The following CERS4 variants were observed in gnomAD, a reference collection of about 807,000 sequenced individuals.
The protein encoded by CERS4 is LAG1 homolog, ceramide synthase 4.
A neutral mutation model predicts 51.8 loss-of-function variants in CERS4; 65 were observed. That is an observed-to-expected ratio of 1.26 (90% CI 1.03 to 1.54). The LOEUF (loss-of-function observed/expected upper bound fraction) is 1.54, where lower values mean the gene tolerates loss of function less well. CERS4 is among the 40% of genes most tolerant of loss of function. The pLI, the probability that CERS4 is intolerant of heterozygous loss-of-function variation, is 0.00. For synonymous variants in CERS4, 228 were observed against 208.4 expected (o/e 1.09, Z -0.81); for missense variants, 563 against 500.4 (o/e 1.13, Z -1.19).
At chr19:8,230,963 C>G (rs946760883) in intron 2 of CERS4, among the ~76,000 whole-genome samples, 1 of 152,150 alleles carries the variant, frequency 6.6e-6, no homozygotes, top group African/African-American at 2.4e-5. Context: ...CCTCAGCCCC[C>G]CAAGTAGCTG....
At position 8,256,604 on chromosome 19, in the gene CERS4, C is replaced by T; in HGVS notation, c.520-14C>T. The T allele has an allele frequency of 1.9e-6, 3 of 1,606,588 alleles. No individual in the cohort carries two copies. The highest frequency in any genetic ancestry group is 1.7e-5 in the Admixed American group (1 of 58,132). On this transcript the variant is annotated splice_polypyrimidine_tract_variant and intron_variant, in intron 7 of 11. Transcript: ENST00000251363. Reference sequence around the variant, plus strand: ...TTCGCTCCCCACAGCTAACCTTGTCCTGTCCTGCTGCAGACTCTGAAGCCA... The same window carrying T: ...TTCGCTCCCCACAGCTAACCTTGTCTTGTCCTGCTGCAGACTCTGAAGCCA...
At chr19:8,229,377 T>C (rs919965902) in intron 2 of CERS4, among the ~76,000 whole-genome samples, 11 of 134,790 alleles carry the variant, frequency 8.2e-5, no homozygotes, top group Admixed American at 3.3e-4. Flanking sequence ...CTTAGAGCCT[T>C]CTTCTTCTTT....
rs201954024 is a variant in CERS4, at chr19:8,257,847, C to G, written c.742-32C>G. On this transcript the variant is annotated intron_variant, in intron 9 of 11. Coordinates refer to ENST00000251363, the MANE Select transcript of CERS4 (RefSeq NM_024552.3). ...TCTCTTTGAGACCAGGGCCCTGGTC[C>G]TGAGCCCATTTCTCCCTGCTGCCCT... The G allele has an allele frequency of 9.6e-6, 15 of 1,567,054 alleles. No individual in the cohort carries two copies. In the East Asian group the frequency reaches 2.0e-4, roughly 21 times the overall value.
In CERS4 at chr19:8,261,697, C is replaced by A. The variant is rs1364069258; in HGVS notation, c.858C>A (p.Tyr286Ter). 6.2e-7 allele frequency: 1 copy of A among 1,614,134 alleles called. No individual in the cohort carries two copies. The highest frequency in any genetic ancestry group is 8.5e-7 in the Non-Finnish European group (1 of 1,180,020). Residue 286 changes from tyrosine to a stop codon, truncating the protein, a stop_gained, in exon 11 of 12, where the codon TAC becomes TAA. Coordinates refer to ENST00000251363, the MANE Select transcript of CERS4 (RefSeq NM_024552.3). LOFTEE classifies it high-confidence loss of function. ...RLVLFPTQIL[Y>*]TTYYESISNR... ...CTCCCCCTGGCTGTAGGATCCTCTA[C>A]ACCACATACTACGAGTCCATCAGCA...
Position 8,236,680 on chromosome 19 carries a change from TA to T in CERS4, c.-1-14375del, listed in dbSNP as rs59164781. On this transcript the variant is annotated intron_variant, in intron 2 of 11. Coordinates refer to ENST00000251363, the MANE Select transcript of CERS4 (RefSeq NM_024552.3). ...AGCAACAGAACCAGGCCCTGTCTTC[TA>T]AAAAAAAAAAAAAAAAAAAAGAAAG... Among the ~76,000 whole-genome samples the T allele has an allele frequency of 9.6e-4, 118 of 122,358 alleles. 1 individual carries two copies. The highest frequency in any genetic ancestry group is 3.2e-3 in the East Asian group (14 of 4,374). The allele number at this position is 122,358 out of a possible 152,430, so 80.3% of individuals were successfully genotyped here. A position where few individuals can be genotyped will look rare whatever the true frequency, so the allele number is the denominator to read the frequency against.
At chr19:8,244,911 A>C (rs922254690) in intron 2 of CERS4, among the ~76,000 whole-genome samples, 6 of 151,904 alleles carry the variant, frequency 3.9e-5, no homozygotes, top group African/African-American at 1.2e-4. Context: ...TTCGGAGGCC[A>C]AGACAGGTGG....
At chr19:8,243,214 AAAAAAAAAATAG>A (rs1212453676) in intron 2 of CERS4, among the ~76,000 whole-genome samples, 1 of 150,042 alleles carries the variant, frequency 6.7e-6, no homozygotes, top group African/African-American at 2.5e-5. Context: ...AAAAAAAAAA[AAAAAAAAAATAG>A]GGGATTGCAG....
intron 2 of CERS4, among the ~76,000 whole-genome samples, chr19:8,245,136 C>CAAAAAAAAACAAAAAAAAAAAAAT (rs1555777278): frequency 5.2e-5 from 1 of 19,368 alleles, no homozygotes. Flanking sequence ...AAAAAAAAAA[C>CAAAAAAAAACAAAAAAAAAAAAAT]ACTCTTGGCT....
At chr19:8,236,696 AAAAAAG>A (rs377618267) in intron 2 of CERS4, among the ~76,000 whole-genome samples, 3,027 of 29,448 alleles carry the variant, frequency 0.1, 56 homozygotes, top group South Asian at 0.15. Context: ...AAAAAAAAAA[AAAAAAG>A]AAAGAAAGAA....
chr19:8,249,763 G>A (rs576858415), intron 2 of CERS4, among the ~76,000 whole-genome samples: 9 of 151,402 alleles, frequency 5.9e-5, no homozygotes, highest in African/African-American at 2.2e-4. Flanking sequence ...GCTAATTTTT[G>A]TATTTTTAGT....
intron 9 of CERS4, 104 bp from the exon 10 acceptor site, chr19:8,257,775 G>A: frequency 1.2e-6 from 1 of 823,032 alleles, no homozygotes; most frequent in Non-Finnish European, 2.0e-6. Context: ...GTAGTTCCTG[G>A]AAACAAGGCC....
chr19:8,257,710 G>A (rs36250), intron 9 of CERS4, among the ~76,000 whole-genome samples, 169 bp from the exon 10 acceptor site: 77,667 of 151,972 alleles, frequency 0.51, 20,421 homozygotes, highest in Admixed American at 0.6. Flanking sequence ...GATTACAGGC[G>A]TGAGCCACCA....
At chr19:8,230,879 G>A (rs1967978775) in intron 2 of CERS4, among the ~76,000 whole-genome samples, 1 of 152,042 alleles carries the variant, frequency 6.6e-6, no homozygotes, top group African/African-American at 2.4e-5. Flanking sequence ...TCACTCTGTT[G>A]CCCAGGCTGG....
chr19:8,238,570 GA>G (rs1467721192), intron 2 of CERS4: 4 of 985,276 alleles, frequency 4.1e-6, no homozygotes, highest in Non-Finnish European at 4.8e-6. Context: ...TAAGGAGGTG[GA>G]GGCCCCTCTT....
At chr19:8,260,902 G>C (rs912088775) in intron 10 of CERS4, 2 of 140,394 alleles carry the variant, frequency 1.4e-5, no homozygotes, top group African/African-American at 5.3e-5. Context: ...AGTGAGCCGA[G>C]ATCACGCCAT....
At chr19:8,258,113 A>C (rs529699797) in intron 10 of CERS4, 128 bp downstream of exon 10, 11 of 772,174 alleles carry the variant, frequency 1.4e-5, no homozygotes, top group Non-Finnish European at 2.5e-5. Flanking sequence ...AGGAGGAGGC[A>C]GGGAAGGGTG....
intron 2 of CERS4, among the ~76,000 whole-genome samples, chr19:8,218,354 C>T (rs1344643491): frequency 6.6e-6 from 1 of 152,180 alleles, no homozygotes; most frequent in Non-Finnish European, 1.5e-5. Flanking sequence ...TTAACCATGC[C>T]AGGCATCAGA....
Position 8,256,297 on chromosome 19 carries a change from G to T in CERS4, c.519+11G>T, listed in dbSNP as rs186859534. ...AGGTACCCAAACCAGGTGAGTGGCA[G>T]AGTGTGTGTGAATGCTTGGAGGGTG... On this transcript the variant is annotated intron_variant, in intron 7 of 11. Transcript: ENST00000251363. 3.3e-5 allele frequency: 46 copies of T among 1,403,304 alleles called. No homozygotes were observed. 86.9% of individuals were successfully genotyped at this position (1,403,304 alleles called of 1,614,324 possible). A position where few individuals can be genotyped will look rare whatever the true frequency, so the allele number is the denominator to read the frequency against.
rs1599607148 is a variant in CERS4, at chr19:8,262,056, C to T, written c.1132C>T (p.Pro378Ser). 6.5e-7 allele frequency: 1 copy of T among 1,538,504 alleles called. No homozygotes were observed. The highest frequency in any genetic ancestry group is 2.3e-5 in the East Asian group (1 of 44,224). ...GCCCAGGCCAGCCCCCACTGATGGC[C>T]CTCGGAGCCGGGTGGCCGGGCGTCT... is the stretch of plus-strand genomic sequence containing the variant. ...GGPRPAPTDG[P>S]RSRVAGRLTN... The change falls in exon 12 of 12, where the codon CCT (proline) becomes TCT (serine). Residue 378 changes from proline to serine, a missense_variant. Transcript: ENST00000251363.
Sources: allele counts gnomAD v4.1 joint callset (sites outside exome capture counted in the v4.1 genomes callset), GRCh38; gene constraint gnomAD v4.1.1; transcripts MANE v1.5; gene names NCBI Gene and HGNC (gene_info 2026-07-23, HGNC 2026-07-21).